The following LDB2 variants were observed in gnomAD, a reference collection of about 807,000 sequenced individuals.
LDB2 encodes the protein LIM domain-binding protein 2.
Under a neutral mutation model 44.3 loss-of-function variants are expected in LDB2, and 12 were observed. That is an observed-to-expected ratio of 0.27 (90% CI 0.17 to 0.44). The LOEUF (loss-of-function observed/expected upper bound fraction) is 0.44. Among genes scored for constraint, LDB2 ranks in the 20% least tolerant of loss-of-function variants. The pLI is 1.00. For synonymous variants in LDB2, 164 were observed against 174.8 expected (o/e 0.94, Z 0.49); for missense variants, 344 against 473.5 (o/e 0.73, Z 2.54).
At chr4:16,585,215 G>C (rs1002258877) in intron 5 of LDB2, among the ~76,000 whole-genome samples, 4 of 152,144 alleles carry the variant, frequency 2.6e-5, no homozygotes, top group Admixed American at 2.0e-4. Context: ...AGCTACCCTG[G>C]CTGGGAGCAC....
intron 1 of LDB2, among the ~76,000 whole-genome samples, chr4:16,841,487 C>G (rs1785882767): frequency 6.6e-6 from 1 of 152,056 alleles, no homozygotes; most frequent in Admixed American, 6.6e-5. Flanking sequence ...TTTGATAATC[C>G]TTTAGAAGAC....
At chr4:16,833,662 C>T (rs994173153) in intron 1 of LDB2, among the ~76,000 whole-genome samples, 5 of 152,036 alleles carry the variant, frequency 3.3e-5, no homozygotes, top group African/African-American at 1.2e-4. Flanking sequence ...CCTGCCTCAG[C>T]CTCCCGAGTA....
intron 5 of LDB2, among the ~76,000 whole-genome samples, chr4:16,562,749 A>G (rs941633650): frequency 6.6e-6 from 1 of 152,240 alleles, no homozygotes; most frequent in African/African-American, 2.4e-5. Context: ...TCATACTGTT[A>G]TAAAGACACA....
chr4:16,576,003 G>T (rs941842394), intron 5 of LDB2, among the ~76,000 whole-genome samples: 3 of 152,186 alleles, frequency 2.0e-5, no homozygotes, highest in African/African-American at 7.2e-5. Flanking sequence ...GCCTCCCAAA[G>T]TGCTGAGATT....
intron 2 of LDB2, chr4:16,726,246 A>C (rs2152690084): frequency 6.6e-6 from 1 of 152,274 alleles, no homozygotes; most frequent in Admixed American, 6.5e-5. Flanking sequence ...GTTTACAGTA[A>C]AAACCTGTTC....
intron 2 of LDB2, among the ~76,000 whole-genome samples, chr4:16,610,111 G>A (rs575417689): frequency 6.6e-6 from 1 of 151,998 alleles, no homozygotes; most frequent in South Asian, 2.1e-4. Context: ...CACCCCTACA[G>A]AAGAGGGAGT....
At chr4:16,714,498 G>T (rs1404300092) in intron 2 of LDB2, among the ~76,000 whole-genome samples, 1 of 151,896 alleles carries the variant, frequency 6.6e-6, no homozygotes, top group South Asian at 2.1e-4. Flanking sequence ...TCACCCCTCT[G>T]GGAAAAAAAT....
intron 2 of LDB2, among the ~76,000 whole-genome samples, chr4:16,697,241 G>A (rs1271066266): frequency 7.2e-6 from 1 of 139,130 alleles, no homozygotes; most frequent in African/African-American, 2.7e-5. Flanking sequence ...TGGCTAACAC[G>A]GTGAAACCCC....
chr4:16,580,100 G>A (rs558493413), intron 5 of LDB2, among the ~76,000 whole-genome samples: 1 of 152,306 alleles, frequency 6.6e-6, no homozygotes, highest in South Asian at 2.1e-4. Flanking sequence ...CAGCGTTCCA[G>A]GCAGTGGCAG....
chr4:16,880,081 A>C (rs1719612572), intron 1 of LDB2, among the ~76,000 whole-genome samples: 1 of 151,998 alleles, frequency 6.6e-6, no homozygotes, highest in African/African-American at 2.4e-5. Context: ...TTCCCAACAA[A>C]TCCAAATCCT....
At chr4:16,854,672 A>C (rs1401565606) in intron 1 of LDB2, among the ~76,000 whole-genome samples, 1 of 150,384 alleles carries the variant, frequency 6.6e-6, no homozygotes, top group Non-Finnish European at 1.5e-5. Flanking sequence ...GTCTATATAT[A>C]TGTTATATAT....
rs78836370 is a variant in LDB2 at position 16,737,543 on chromosome 4, T to C, written c.235+21615A>G. On this transcript the variant is annotated intron_variant, in intron 2 of 7. Coordinates refer to ENST00000304523, the MANE Select transcript of LDB2 (RefSeq NM_001290.5). ...CTATAGTATAAAAAACTAAGGCAAATAATATTCAATGACAGGAAGTACGTT... is the reference window on the plus strand; with the variant it reads ...CTATAGTATAAAAAACTAAGGCAAACAATATTCAATGACAGGAAGTACGTT... Among the ~76,000 whole-genome samples the C allele has an allele frequency of 1.7e-3, 256 of 152,194 alleles. 6 individuals are homozygous for C. The East Asian group carries it at 0.042, about 25-fold the overall frequency.
At chr4:16,538,757 C>T (rs1054671230) in intron 5 of LDB2, among the ~76,000 whole-genome samples, 2 of 152,214 alleles carry the variant, frequency 1.3e-5, no homozygotes, top group Non-Finnish European at 2.9e-5. Flanking sequence ...TTTATTCCTT[C>T]ATTCACCAAA....
At chr4:16,772,060 C>T (rs1318832121) in intron 1 of LDB2, among the ~76,000 whole-genome samples, 1 of 152,122 alleles carries the variant, frequency 6.6e-6, no homozygotes, top group Non-Finnish European at 1.5e-5. Context: ...CCTTCGGGCC[C>T]AGGGCTGCAC....
intron 2 of LDB2, among the ~76,000 whole-genome samples, chr4:16,722,392 G>A (rs947502937): frequency 7.2e-5 from 11 of 152,106 alleles, no homozygotes; most frequent in African/African-American, 2.7e-4. Flanking sequence ...TGGAAAACAT[G>A]AGAGATGAAC....
chr4:16,593,970 G>A (rs1480040041), intron 3 of LDB2, among the ~76,000 whole-genome samples: 2 of 152,132 alleles, frequency 1.3e-5, no homozygotes, highest in Non-Finnish European at 2.9e-5. Context: ...TTTGGCCTGA[G>A]AAAGAAATTG....
Position 16,502,376 on chromosome 4 carries a change from G to C in LDB2, c.*267C>G, listed in dbSNP as rs1717739594. 2.2e-5 allele frequency: 10 copies of C among 457,168 alleles called. No homozygotes were observed. The highest frequency in any genetic ancestry group is 3.6e-5 in the Admixed American group (1 of 27,990). The allele number at this position is 457,168 out of a possible 1,614,324, so 28.3% of individuals were successfully genotyped here. A position where few individuals can be genotyped will look rare whatever the true frequency, so the allele number is the denominator to read the frequency against. The stretch of plus-strand genomic sequence containing the variant: ...TAAAACCGTGCCAGAAGATGCGCTA[G>C]AGTTTTCTCTCATTTTAATTACAAT... On this transcript the variant is annotated 3_prime_UTR_variant, in exon 8 of 8. Coordinates refer to ENST00000304523, the MANE Select transcript of LDB2 (RefSeq NM_001290.5).
intron 1 of LDB2, among the ~76,000 whole-genome samples, chr4:16,887,228 A>G (rs1382054829): frequency 1.3e-5 from 2 of 151,518 alleles, no homozygotes; most frequent in African/African-American, 2.4e-5. Flanking sequence ...TTGAAAAAAA[A>G]AAAAAAGAAA....
chr4:16,660,943 C>A (rs568328091), intron 2 of LDB2, among the ~76,000 whole-genome samples: 3 of 152,098 alleles, frequency 2.0e-5, no homozygotes, highest in African/African-American at 7.2e-5. Flanking sequence ...TTGTCCTATG[C>A]GGACTAATAG....
Sources: gnomAD v4.1 joint callset for allele counts (sites outside exome capture counted in the v4.1 genomes callset) on GRCh38, gnomAD v4.1.1 for gene constraint, MANE v1.5 for transcripts, NCBI Gene and HGNC (gene_info 2026-07-23, HGNC 2026-07-21) for gene names.